OPCML: variants seen among roughly 807,000 people sequenced by gnomAD.
The protein encoded by OPCML is opioid-binding protein/cell adhesion molecule.
Under a neutral mutation model 37.8 loss-of-function variants are expected in OPCML, and 13 were observed. The ratio of observed to expected loss-of-function variants is 0.34; its 90% CI spans 0.22 to 0.55. The LOEUF is 0.55. Among genes scored for constraint, OPCML ranks in the 20% least tolerant of loss-of-function variants. The pLI is 0.91. For synonymous variants in OPCML, 176 were observed against 168.8 expected (o/e 1.04, Z -0.33); for missense variants, 341 against 435.6 (o/e 0.78, Z 1.93).
intron 1 of OPCML, among the ~76,000 whole-genome samples, chr11:133,477,042 C>T (rs947479494): frequency 1.3e-5 from 2 of 152,130 alleles, no homozygotes; most frequent in African/African-American, 2.4e-5. Context: ...AGCTTAACTG[C>T]GCACAACCCT....
chr11:133,051,824 C>T (rs190602175), intron 1 of OPCML, among the ~76,000 whole-genome samples: 74 of 152,294 alleles, frequency 4.9e-4, no homozygotes, highest in Middle Eastern at 3.4e-3. Flanking sequence ...CTCTCTCCAC[C>T]GCCCAAGCCT....
intron 1 of OPCML, among the ~76,000 whole-genome samples, chr11:132,968,920 A>G (rs573137075): frequency 6.6e-6 from 1 of 152,274 alleles, no homozygotes; most frequent in South Asian, 2.1e-4. Context: ...GTGGTGAGAG[A>G]GGACATCCTT....
At chr11:133,063,581 G>T (rs1948388076) in intron 1 of OPCML, among the ~76,000 whole-genome samples, 1 of 147,704 alleles carries the variant, frequency 6.8e-6, no homozygotes, top group Non-Finnish European at 1.5e-5. Flanking sequence ...TTTTTTTTCG[G>T]AGGGAGTTTT....
At chr11:133,365,693 A>C (rs938461363) in intron 1 of OPCML, 5 of 152,244 alleles carry the variant, frequency 3.3e-5, no homozygotes, top group Non-Finnish European at 7.3e-5. Flanking sequence ...GAGATATTCA[A>C]GGATGCCATC....
At chr11:133,081,019 G>C (rs1327097501) in intron 1 of OPCML, among the ~76,000 whole-genome samples, 2 of 152,124 alleles carry the variant, frequency 1.3e-5, no homozygotes, top group African/African-American at 2.4e-5. Flanking sequence ...GAGAGGACCA[G>C]TTTCAACATT....
At position 133,073,540 on chromosome 11, in the gene OPCML, T is replaced by C. The variant is rs148861294; in HGVS notation, c.62-130530A>G. ...GCTGAAGTCAGAACTTGTCCTGCCA[T>C]TGGCAATGCCAGCCATAGAAACTAG... On this transcript the variant is annotated intron_variant, in intron 1 of 7. Coordinates refer to ENST00000524381, the MANE Select transcript of OPCML (RefSeq NM_001012393.5). Among the ~76,000 whole-genome samples the C allele has an allele frequency of 3.4e-3, 511 of 152,318 alleles. 4 individuals carry two copies. The highest frequency in any genetic ancestry group is 0.011 in the African/African-American group (473 of 41,574).
intron 1 of OPCML, among the ~76,000 whole-genome samples, chr11:133,270,438 CA>C (rs1291849217): frequency 3.3e-5 from 5 of 152,114 alleles, no homozygotes; most frequent in Non-Finnish European, 5.9e-5. Flanking sequence ...TGGTCTCCTC[CA>C]AGTCTTAAAT....
intron 4 of OPCML, among the ~76,000 whole-genome samples, chr11:132,454,488 G>A (rs751556694): frequency 7.2e-5 from 11 of 152,280 alleles, no homozygotes; most frequent in Non-Finnish European, 1.5e-4. Context: ...ACTATCCTGC[G>A]GTAACAGCCC....
At chr11:132,599,374 AG>A (rs1937678289) in intron 3 of OPCML, among the ~76,000 whole-genome samples, 1 of 12,602 alleles carries the variant, frequency 7.9e-5, no homozygotes, top group African/African-American at 4.3e-4. Flanking sequence ...AGGAGGAGGA[AG>A]AAGGAGGAAG....
intron 2 of OPCML, among the ~76,000 whole-genome samples, chr11:132,864,472 A>G (rs1016857634): frequency 3.9e-5 from 6 of 152,238 alleles, no homozygotes; most frequent in African/African-American, 1.4e-4. Flanking sequence ...ATAAAATAAA[A>G]GTAGAACTAT....
chr11:133,047,927 G>A (rs1191348699), intron 1 of OPCML, among the ~76,000 whole-genome samples: 2 of 152,088 alleles, frequency 1.3e-5, no homozygotes, highest in Admixed American at 6.5e-5. Context: ...TTTCTATCTG[G>A]CACATGCTAT....
intron 1 of OPCML, among the ~76,000 whole-genome samples, chr11:133,099,487 T>C (rs1173948491): frequency 1.3e-5 from 2 of 148,776 alleles, no homozygotes; most frequent in East Asian, 2.0e-4. Flanking sequence ...TGGGGTTTCA[T>C]GGTGTTAGTC....
intron 1 of OPCML, chr11:133,004,714 T>C: frequency 2.0e-6 from 2 of 985,420 alleles, no homozygotes; most frequent in Non-Finnish European, 2.4e-6. Flanking sequence ...TAGCTGACTT[T>C]AGCTGTCTAC....
At chr11:132,609,338 A>C (rs1938495760) in intron 3 of OPCML, among the ~76,000 whole-genome samples, 1 of 152,200 alleles carries the variant, frequency 6.6e-6, no homozygotes, top group South Asian at 2.1e-4. Context: ...CTTAATGTGA[A>C]TACTTGACCT....
At chr11:132,581,387 G>A (rs1177833344) in intron 3 of OPCML, among the ~76,000 whole-genome samples, 1 of 152,172 alleles carries the variant, frequency 6.6e-6, no homozygotes, top group Non-Finnish European at 1.5e-5. Context: ...AGGTTCTATA[G>A]GTGTCAGGCT....
At chr11:133,435,027 T>C (rs1946204810) in intron 1 of OPCML, among the ~76,000 whole-genome samples, 1 of 151,880 alleles carries the variant, frequency 6.6e-6, no homozygotes, top group Non-Finnish European at 1.5e-5. Flanking sequence ...AGTGCAAAAA[T>C]TGTTCAAGTG....
chr11:133,188,473 G>A (rs1335894895), intron 1 of OPCML, among the ~76,000 whole-genome samples: 1 of 151,596 alleles, frequency 6.6e-6, no homozygotes, highest in Non-Finnish European at 1.5e-5. Context: ...ATTCAAAAAG[G>A]AAAAATAAAA....
chr11:132,770,324 G>C (rs1412221550), intron 2 of OPCML, among the ~76,000 whole-genome samples: 1 of 152,056 alleles, frequency 6.6e-6, no homozygotes, highest in Non-Finnish European at 1.5e-5. Flanking sequence ...TTTGAAGTTA[G>C]TTAGTTAGTT....
intron 1 of OPCML, among the ~76,000 whole-genome samples, chr11:133,451,017 T>C (rs1439542551): frequency 6.6e-6 from 1 of 151,808 alleles, no homozygotes; most frequent in African/African-American, 2.4e-5. Flanking sequence ...TCAACACATA[T>C]GTTATATAAC....
Sources: allele counts gnomAD v4.1 joint callset (sites outside exome capture counted in the v4.1 genomes callset), GRCh38; gene constraint gnomAD v4.1.1; transcripts MANE v1.5; gene names NCBI Gene and HGNC (gene_info 2026-07-23, HGNC 2026-07-21).